Variants in DDX42 observed in about 807,000 individuals in gnomAD.
The protein encoded by DDX42 is DEAD-box helicase 42.
Under a neutral mutation model 101.5 loss-of-function variants are expected in DDX42, and 22 were observed. The ratio of observed to expected loss-of-function variants is 0.22; its 90% CI spans 0.15 to 0.31. The LOEUF (loss-of-function observed/expected upper bound fraction) is 0.31. DDX42 is among the 10% of genes least tolerant of loss of function. The pLI is 1.00. For synonymous variants in DDX42, 402 were observed against 401.2 expected (o/e 1.00, Z -0.02); for missense variants, 849 against 1,199.9 (o/e 0.71, Z 4.32).
At chr17:63,787,628 C>G (rs1483235007) in intron 2 of DDX42, among the ~76,000 whole-genome samples, 1 of 152,080 alleles carries the variant, frequency 6.6e-6, no homozygotes, top group Non-Finnish European at 1.5e-5. Flanking sequence ...CATCTGACGT[C>G]AGGAGTTTGA....
In DDX42 at chr17:63,792,515, T is replaced by G. The variant is rs1218710815; in HGVS notation, c.325T>G (p.Ser109Ala). 1.2e-6 allele frequency: 2 copies of G among 1,613,720 alleles called. No individual in the cohort carries two copies. Among genetic ancestry groups the G allele is most frequent in the Non-Finnish European group, 1.7e-6 (2 of 1,179,868 alleles). ...RQQFHSKPVD[S>A]DSDDDPLEAF... Reference sequence around the variant, plus strand: ...GCAATTCCATTCCAAGCCAGTAGATTCTGACAGCGATGATGATCCCTTGGA... The same window carrying G: ...GCAATTCCATTCCAAGCCAGTAGATGCTGACAGCGATGATGATCCCTTGGA... Residue 109 changes from serine to alanine, a missense_variant, in exon 3 of 18, where the codon TCT (serine) becomes GCT (alanine). Transcript: ENST00000389924.
Position 63,799,475 on chromosome 17 carries a change from A to G in DDX42, c.435-114A>G, listed in dbSNP as rs760664852. ...GTGTGCTCATTGCTGCTTTGTTATT[A>G]TTAGTGTTGAGAGTTCCTGTGCTGT... On this transcript the variant is annotated intron_variant, in intron 4 of 17. Coordinates refer to ENST00000389924, the MANE Select transcript of DDX42 (RefSeq NM_203499.3). 1.0e-5 allele frequency: 11 copies of G among 1,098,906 alleles called. No homozygotes were observed. The South Asian group carries it at 1.0e-4, about 10-fold the overall frequency. 68.1% of individuals were successfully genotyped at this position (1,098,906 alleles called of 1,614,324 possible).
chr17:63,814,675 C>CTTTT (rs58211962), intron 15 of DDX42, among the ~76,000 whole-genome samples: 28 of 90,454 alleles, frequency 3.1e-4, no homozygotes, highest in African/African-American at 4.0e-4. Context: ...GAGACATTTG[C>CTTTT]TTTTTTTTTT....
chr17:63,789,545 ACTTTTTT>A (rs2039593880), intron 2 of DDX42, among the ~76,000 whole-genome samples: 1 of 74,754 alleles, frequency 1.3e-5, no homozygotes, highest in Non-Finnish European at 2.4e-5. Flanking sequence ...CTTCTAAAAG[ACTTTTTT>A]GTTTTTGTTT....
intron 1 of DDX42, among the ~76,000 whole-genome samples, chr17:63,783,272 C>T (rs2144528474): frequency 6.6e-6 from 1 of 152,312 alleles, no homozygotes; most frequent in Middle Eastern, 3.4e-3. Flanking sequence ...CTGACCTTCT[C>T]AGCAAGCTTT....
intron 1 of DDX42, among the ~76,000 whole-genome samples, chr17:63,781,706 A>T (rs185638550): frequency 7.3e-5 from 11 of 151,672 alleles, no homozygotes; most frequent in Non-Finnish European, 1.3e-4. Flanking sequence ...AAATAGTGAT[A>T]TATGTTAAGA....
At chr17:63,786,954 G>C in intron 1 of DDX42, 80 bp from the exon 2 acceptor site, 1 of 1,442,814 alleles carries the variant, frequency 6.9e-7, no homozygotes, top group Non-Finnish European at 9.5e-7. Flanking sequence ...GGGATTACAG[G>C]CGTGACCCAC....
In DDX42 at chr17:63,779,167, T is replaced by C. The variant is rs150763799; in HGVS notation, c.-17+4791T>C. 3.0e-3 allele frequency among the ~76,000 whole-genome samples: 463 copies of C among 152,366 alleles called. 6 individuals carry two copies. The highest frequency in any genetic ancestry group is 0.011 in the African/African-American group (451 of 41,586). On this transcript the variant is annotated intron_variant, in intron 1 of 17. Coordinates refer to ENST00000389924, the MANE Select transcript of DDX42 (RefSeq NM_203499.3). The stretch of plus-strand genomic sequence containing the variant: ...TCAAAAGGGTTCTTTTTTAAATTTT[T>C]ATTTTTTGGCACCCCAGCAGGAAAT...
At chr17:63,814,316 T>G (rs1259222923) in intron 15 of DDX42, among the ~76,000 whole-genome samples, 3 of 152,176 alleles carry the variant, frequency 2.0e-5, no homozygotes, top group African/African-American at 7.2e-5. Context: ...TCGGAACACT[T>G]TCTGAGAGCA....
In DDX42 at chr17:63,813,371, A is replaced by G. The variant is rs2039935822; in HGVS notation, c.1819A>G (p.Ser607Gly). The change falls in exon 15 of 18, where the codon AGC (serine) becomes GGC (glycine). Residue 607 changes from serine (S) to glycine (G), a missense_variant. By Grantham distance (56) the Ser-to-Gly change is moderately conservative. Transcript: ENST00000389924. ...CTATACCCTACTCACTCCCAAGGAC[A>G]GCAATTTTGCTGGTGACCTGGTCCG... The part of the protein sequence containing the change: ...VAYTLLTPKD[S>G]NFAGDLVRNL... 5 of 1,614,158 alleles carry G rather than the reference A, an allele frequency of 3.1e-6. No homozygotes were observed. The highest frequency in any genetic ancestry group is 1.3e-5 in the African/African-American group (1 of 75,020).
At chr17:63,813,171 C>G (rs1478836735) in intron 14 of DDX42, 57 bp from the exon 15 acceptor site, 4 of 1,487,072 alleles carry the variant, frequency 2.7e-6, no homozygotes, top group Non-Finnish European at 3.6e-6. Flanking sequence ...TTTCTGGTTA[C>G]TTTGATCTTC....
At chr17:63,797,029 C>T (rs2039701508) in intron 3 of DDX42, among the ~76,000 whole-genome samples, 1 of 152,094 alleles carries the variant, frequency 6.6e-6, no homozygotes, top group Non-Finnish European at 1.5e-5. Flanking sequence ...TCATTTAACT[C>T]TTCTGACCTT....
rs1421849140 is a variant in DDX42, at chr17:63,805,183, T to A, written c.726+8T>A. Reference sequence around the variant, plus strand: ...CATAAGCTCAATCTTCGGGTAAGCATCATTAAGCTCAATATTCTTAATATT... The same window carrying A: ...CATAAGCTCAATCTTCGGGTAAGCAACATTAAGCTCAATATTCTTAATATT... On this transcript the variant is annotated splice_region_variant and intron_variant, in intron 7 of 17. Coordinates refer to ENST00000389924, the MANE Select transcript of DDX42 (RefSeq NM_203499.3). 1 of 1,610,500 alleles carries A rather than the reference T, an allele frequency of 6.2e-7. No homozygotes were observed. Among genetic ancestry groups the A allele is most frequent in the Non-Finnish European group, 8.5e-7 (1 of 1,179,098 alleles).
chr17:63,792,387 T>A, intron 2 of DDX42, 25 bp from the exon 3 acceptor site: 3 of 1,607,364 alleles, frequency 1.9e-6, no homozygotes, highest in Admixed American at 1.7e-5. Flanking sequence ...GCATTCACTT[T>A]ACCAGTTTGC....
intron 4 of DDX42, 45 bp downstream of exon 4, chr17:63,798,144 T>A: frequency 2.5e-6 from 4 of 1,579,406 alleles, no homozygotes; most frequent in Non-Finnish European, 2.6e-6. Context: ...TGAAAACTGC[T>A]GAAGTATTGC....
At position 63,810,589 on chromosome 17, in the gene DDX42, A is replaced by G. The variant is rs1276555459; in HGVS notation, c.1300+29A>G. The G allele has an allele frequency of 5.0e-6, 8 of 1,608,384 alleles. No individual in the cohort carries two copies. The Admixed American group carries it at 6.7e-5, about 13-fold the overall frequency. ...TGTATGAAGCACCTTTGTTAAACCA[A>G]ATTTGTACTAAAAAGGGCACTTATT... On this transcript the variant is annotated intron_variant, in intron 12 of 17. Coordinates refer to ENST00000389924, the MANE Select transcript of DDX42 (RefSeq NM_203499.3).
intron 3 of DDX42, among the ~76,000 whole-genome samples, chr17:63,797,170 G>A (rs2144556909): frequency 6.6e-6 from 1 of 152,096 alleles, no homozygotes; most frequent in East Asian, 1.9e-4. Context: ...TGACCAACAT[G>A]GAGAAACCCC....
rs1048695057 is a variant in DDX42, at chr17:63,817,744, T to C, written c.2163T>C (p.Ala721=). The part of the protein sequence containing the change: ...FVAASLSNQK[A]GSSAAGASGW... ...CAGCCAGTTTAAGTAATCAGAAGGCTGGAAGTTCTGCTGCTGGGGCAAGTG... is the reference window on the plus strand; with the variant it reads ...CAGCCAGTTTAAGTAATCAGAAGGCCGGAAGTTCTGCTGCTGGGGCAAGTG... Residue 721 remains alanine (A), a synonymous_variant, in exon 18 of 18, where the codon GCT becomes GCC. Transcript: ENST00000389924. The C allele has an allele frequency of 4.2e-5, 67 of 1,614,110 alleles. No individual in the cohort carries two copies. The highest frequency in any genetic ancestry group is 5.5e-5 in the Non-Finnish European group (65 of 1,180,052).
At chr17:63,809,991 T>C (rs2039889857) in intron 11 of DDX42, among the ~76,000 whole-genome samples, 1 of 152,182 alleles carries the variant, frequency 6.6e-6, no homozygotes, top group South Asian at 2.1e-4. Context: ...CCCTTTGCTT[T>C]CCTATCCTCG....
Sources: allele counts gnomAD v4.1 joint callset (sites outside exome capture counted in the v4.1 genomes callset), GRCh38; gene constraint gnomAD v4.1.1; transcripts MANE v1.5; gene names NCBI Gene and HGNC (gene_info 2026-07-23, HGNC 2026-07-21).